The following CHUK variants were observed in gnomAD, a reference collection of about 807,000 sequenced individuals.
CHUK encodes component of inhibitor of nuclear factor kappa B kinase complex.
A neutral mutation model predicts 104.8 loss-of-function variants in CHUK; 35 were observed. The ratio of observed to expected loss-of-function variants is 0.33; its 90% CI spans 0.26 to 0.44. The LOEUF (loss-of-function observed/expected upper bound fraction) is 0.44. Ranked by LOEUF, CHUK falls within the 20% of genes least tolerant of loss-of-function variation. The pLI, the probability that CHUK is intolerant of heterozygous loss-of-function variation, is 1.00. For missense variants in CHUK, 663 were observed against 902.7 expected (o/e 0.73, Z 3.40); for synonymous variants, 276 against 291.9 (o/e 0.95, Z 0.56).
chr10:100,217,988 G>T lies in CHUK; in HGVS notation c.933+7C>A, dbSNP rs1428448883. 6.2e-7 allele frequency: 1 copy of T among 1,613,756 alleles called. No homozygotes were observed. The highest frequency in any genetic ancestry group is 8.5e-7 in the Non-Finnish European group (1 of 1,179,702). On this transcript the variant is annotated splice_region_variant and intron_variant, in intron 9 of 20. Transcript: ENST00000370397. ...TGGTCTTATGCAGTAGACCCATTAA[G>T]ACTAACCTTCAAATTCAAAATGTGA...
At chr10:100,215,338 A>G (rs1845830803) in intron 9 of CHUK, among the ~76,000 whole-genome samples, 2 of 152,104 alleles carry the variant, frequency 1.3e-5, no homozygotes, top group Admixed American at 6.5e-5. Flanking sequence ...TACAGCAGTT[A>G]TAAGTCCTTG....
intron 17 of CHUK, 49 bp from the exon 18 acceptor site, chr10:100,194,180 T>C (rs775374636): frequency 1.3e-6 from 2 of 1,599,630 alleles, no homozygotes; most frequent in South Asian, 1.1e-5. Flanking sequence ...CCCAAGACTG[T>C]ACACCATATT....
intron 9 of CHUK, among the ~76,000 whole-genome samples, chr10:100,213,023 G>GAAAAAGAAAA (rs1331616549): frequency 2.1e-5 from 3 of 143,294 alleles, no homozygotes; most frequent in Non-Finnish European, 4.6e-5. Flanking sequence ...AAAGAAAGAA[G>GAAAAAGAAAA]AAAAAGAAAA....
intron 3 of CHUK, 60 bp from the exon 4 acceptor site, chr10:100,222,241 C>A: frequency 1.2e-6 from 1 of 836,052 alleles, no homozygotes; most frequent in Non-Finnish European, 2.0e-6. Flanking sequence ...CAATAGTGAC[C>A]ACACATTAAT....
chr10:100,209,154 T>C (rs1564836021), intron 10 of CHUK, among the ~76,000 whole-genome samples: 2 of 152,226 alleles, frequency 1.3e-5, no homozygotes, highest in Non-Finnish European at 2.9e-5. Context: ...CTTATGTCTT[T>C]AGATGAATGC....
chr10:100,226,014 G>T lies in CHUK; in HGVS notation c.109C>A (p.Leu37Ile). The T allele has an allele frequency of 6.3e-7, 1 of 1,581,612 alleles. No homozygotes were observed. The highest frequency in any genetic ancestry group is 8.7e-7 in the Non-Finnish European group (1 of 1,150,774). The change falls in exon 2 of 21, where the codon CTT (leucine) becomes ATT (isoleucine). Residue 37 changes from leucine to isoleucine, a missense_variant. Leu to Ile is a conservative substitution (Grantham distance 5). Coordinates refer to ENST00000370397, the MANE Select transcript of CHUK (RefSeq NM_001278.5). ...GNVCLYQHRE[L>I]DLKIAIKSCR... Reference sequence around the variant, plus strand: ...GACTTAATTGCTATTTTGAGATCAAGTTCCTGCCAAAATAGAAAATCAACA... The same window carrying T: ...GACTTAATTGCTATTTTGAGATCAATTTCCTGCCAAAATAGAAAATCAACA...
intron 4 of CHUK, among the ~76,000 whole-genome samples, chr10:100,221,026 C>G (rs1845974495): frequency 6.6e-6 from 1 of 152,146 alleles, no homozygotes; most frequent in Non-Finnish European, 1.5e-5. Flanking sequence ...AGAGGCAAAA[C>G]CAAAATCTAT....
chr10:100,213,575 G>A (rs796908670), intron 9 of CHUK, among the ~76,000 whole-genome samples: 14 of 152,122 alleles, frequency 9.2e-5, no homozygotes, highest in African/African-American at 3.1e-4. Context: ...AGGCTGGAGT[G>A]CAGTGGTGCG....
intron 2 of CHUK, among the ~76,000 whole-genome samples, chr10:100,224,686 C>T (rs868533591): frequency 2.1e-4 from 32 of 152,156 alleles, no homozygotes; most frequent in Middle Eastern, 6.8e-3. Context: ...ATCCATCCGC[C>T]TTGGCCTCCC....
At chr10:100,219,194 C>G (rs1845930331) in intron 6 of CHUK, 62 bp from the exon 7 acceptor site, 1 of 1,580,194 alleles carries the variant, frequency 6.3e-7, no homozygotes, top group Admixed American at 1.7e-5. Flanking sequence ...TTATTTTTGA[C>G]CTACTATATT....
At chr10:100,187,876 C>T (rs1292397661), downstream of CHUK, 1 of 152,206 alleles carries the variant, frequency 6.6e-6, no homozygotes, top group African/African-American at 2.4e-5. Flanking sequence ...TTGTAATGTT[C>T]AGACTCCCAG....
Position 100,229,596 on chromosome 10 carries a change from T to G in CHUK, c.-64A>C. Reference sequence around the variant, plus strand: ...TCCAAGGCCGGTTCCGGGCCGCCGATGCTCGCGCGTCTTTGTTCTCGCGAG... The same window carrying G: ...TCCAAGGCCGGTTCCGGGCCGCCGAGGCTCGCGCGTCTTTGTTCTCGCGAG... On this transcript the variant is annotated 5_prime_UTR_variant, in exon 1 of 21. Transcript: ENST00000370397. The G allele has an allele frequency of 3.2e-6, 3 of 951,716 alleles. No homozygotes were observed. Among genetic ancestry groups the G allele is most frequent in the Non-Finnish European group, 3.1e-6 (2 of 639,252 alleles). 59.0% of individuals were successfully genotyped at this position (951,716 alleles called of 1,614,324 possible).
In CHUK at chr10:100,190,971, G is replaced by A. The variant is rs375716407; in HGVS notation, c.2109-3C>T. 3.8e-6 allele frequency: 6 copies of A among 1,566,594 alleles called. No individual in the cohort carries two copies. The South Asian group carries it at 4.4e-5, about 12-fold the overall frequency. On this transcript the variant is annotated splice_polypyrimidine_tract_variant and splice_region_variant and intron_variant, in intron 19 of 20. Transcript: ENST00000370397. Reference sequence around the variant, plus strand: ...CTATCATTTGTGCTGAAGTCTCCCTGTGAGATGAAAGAACAAAGCCTTTTC... The same window carrying A: ...CTATCATTTGTGCTGAAGTCTCCCTATGAGATGAAAGAACAAAGCCTTTTC...
At chr10:100,226,922 A>T (rs1165532114) in intron 1 of CHUK, among the ~76,000 whole-genome samples, 1 of 152,178 alleles carries the variant, frequency 6.6e-6, no homozygotes, top group Non-Finnish European at 1.5e-5. Context: ...AAGAAGCTAG[A>T]GATAAGATGA....
Position 100,190,908 on chromosome 10 carries a change from A to C in CHUK, c.2169T>G (p.Ile723Met). 3 of 1,612,492 alleles carry C rather than the reference A, an allele frequency of 1.9e-6. No individual in the cohort carries two copies. The highest frequency in any genetic ancestry group is 2.5e-6 in the Non-Finnish European group (3 of 1,178,454). The change falls in exon 20 of 21, where the codon ATT becomes ATG. Residue 723 changes from isoleucine to methionine, a missense_variant. Transcript: ENST00000370397. ...NLNCLGHLST[I>M]IHEANEEQGN... Reference sequence around the variant, plus strand: ...CCTGTTCCTCATTTGCCTCATGAATAATAGTGCTTAAATGGCCAAGGCAGT... The same window carrying C: ...CCTGTTCCTCATTTGCCTCATGAATCATAGTGCTTAAATGGCCAAGGCAGT...
At chr10:100,205,923 C>T (rs1564834694) in intron 11 of CHUK, among the ~76,000 whole-genome samples, 1 of 152,080 alleles carries the variant, frequency 6.6e-6, no homozygotes, top group Non-Finnish European at 1.5e-5. Context: ...AGTGAAACTC[C>T]ATCTCAAAAA....
chr10:100,220,346 T>C (rs2134245416), intron 5 of CHUK, among the ~76,000 whole-genome samples: 1 of 150,650 alleles, frequency 6.6e-6, no homozygotes, highest in East Asian at 1.9e-4. Context: ...GGGTTAAGTA[T>C]GAAAAATGAA....
At chr10:100,191,374 C>T (rs550687221) in intron 19 of CHUK, among the ~76,000 whole-genome samples, 2 of 152,310 alleles carry the variant, frequency 1.3e-5, no homozygotes, top group South Asian at 4.1e-4. Flanking sequence ...AGCATGCATA[C>T]TTCACAGACA....
intron 2 of CHUK, among the ~76,000 whole-genome samples, chr10:100,224,086 A>ACACTCTCT (rs1554899693): frequency 2.0e-5 from 3 of 148,318 alleles, no homozygotes; most frequent in Middle Eastern, 3.5e-3. Flanking sequence ...TCGCTCGTTC[A>ACACTCTCT]CTCTCTCTCT....
Sources: allele counts gnomAD v4.1 joint callset (sites outside exome capture counted in the v4.1 genomes callset), GRCh38; gene constraint gnomAD v4.1.1; transcripts MANE v1.5; gene names NCBI Gene and HGNC (gene_info 2026-07-23, HGNC 2026-07-21).